The following NHSL2 variants were observed in gnomAD, a reference collection of about 807,000 sequenced individuals.
NHSL2 encodes NHS-like protein 2.
Under a neutral mutation model 53.4 loss-of-function variants are expected in NHSL2, and 27 were observed. The observed-to-expected ratio is 0.51, with a 90% CI of 0.37 to 0.70. The LOEUF (loss-of-function observed/expected upper bound fraction) is 0.70. Among genes scored for constraint, NHSL2 ranks in the 30% least tolerant of loss-of-function variants. The pLI is 0.00. For synonymous variants in NHSL2, 408 were observed against 404.1 expected, an observed-to-expected ratio of 1.01 and a Z score of -0.12; for missense variants, 892 against 980.1, an observed-to-expected ratio of 0.91 and a Z score of 1.20.
chrX:71,931,184 C>T (rs189414444), intron 1 of NHSL2, among the ~76,000 whole-genome samples: 1 of 112,192 alleles, frequency 8.9e-6, no homozygotes, highest in Non-Finnish European at 1.9e-5. Context: ...AATGTCTATT[C>T]GAGTCTTTTG....
At chrX:72,081,387 A>C (rs1029256494) in intron 1 of NHSL2, among the ~76,000 whole-genome samples, 2 of 112,308 alleles carry the variant, frequency 1.8e-5, no homozygotes, top group African/African-American at 3.2e-5. Context: ...TAACTTTTGC[A>C]GGTTACTTTT....
chrX:71,927,615 A>C (rs766106943), intron 1 of NHSL2, among the ~76,000 whole-genome samples: 1 of 109,435 alleles, frequency 9.1e-6, no homozygotes, highest in South Asian at 4.0e-4. Context: ...GGAGGGCAGC[A>C]GCGCAATCTC....
chrX:72,107,372 G>T (rs1433466771), intron 1 of NHSL2, among the ~76,000 whole-genome samples: 1 of 112,649 alleles, frequency 8.9e-6, no homozygotes, highest in Non-Finnish European at 1.9e-5. Flanking sequence ...CCCAATGGAT[G>T]AATCAGCTAA....
intron 1 of NHSL2, among the ~76,000 whole-genome samples, chrX:71,916,864 C>G (rs1273087948): frequency 8.9e-6 from 1 of 112,258 alleles, no homozygotes; most frequent in Non-Finnish European, 1.9e-5. Context: ...AAGAGTAGTG[C>G]TTATTCAGTC....
intron 1 of NHSL2, among the ~76,000 whole-genome samples, chrX:72,031,736 G>GA (rs767564712): frequency 0.032 from 1,716 of 52,983 alleles, 23 homozygotes; most frequent in African/African-American, 0.089. Context: ...ACCTCGCTTG[G>GA]AAAAAAAAAA....
chrX:72,101,285 A>G (rs1158324553), intron 1 of NHSL2, among the ~76,000 whole-genome samples: 2 of 109,690 alleles, frequency 1.8e-5, no homozygotes, highest in Non-Finnish European at 3.8e-5. Flanking sequence ...GACTCGCATC[A>G]GGGTTTGAGC....
intron 1 of NHSL2, among the ~76,000 whole-genome samples, chrX:71,968,562 T>C (rs1201736797): frequency 1.8e-5 from 2 of 111,831 alleles, no homozygotes; most frequent in East Asian, 5.6e-4. Context: ...TTGTCAATCT[T>C]TTTTTTTGCT....
intron 1 of NHSL2, among the ~76,000 whole-genome samples, chrX:71,934,523 G>A (rs1458295762): frequency 8.9e-6 from 1 of 112,145 alleles, no homozygotes; most frequent in African/African-American, 3.2e-5. Flanking sequence ...CCAGGCTGGT[G>A]GAGCTTCCCT....
At chrX:72,142,196 T>C (rs1404056489) in intron 6 of NHSL2, 36 bp from the exon 7 acceptor site, 1 of 1,117,234 alleles carries the variant, frequency 9.0e-7, no homozygotes, top group Admixed American at 2.8e-5. Context: ...CTATCTACTG[T>C]GGTCAAAGTC....
intron 1 of NHSL2, among the ~76,000 whole-genome samples, chrX:72,024,228 G>A (rs916105293): frequency 1.1e-4 from 12 of 111,679 alleles, no homozygotes; most frequent in Non-Finnish European, 7.5e-5. Flanking sequence ...GGAAAATTCT[G>A]AACTCTTACA....
chrX:72,066,523 G>T (rs1464257224), intron 1 of NHSL2, among the ~76,000 whole-genome samples: 1 of 111,493 alleles, frequency 9.0e-6, no homozygotes, highest in Admixed American at 9.5e-5. Flanking sequence ...TTACAGAGAG[G>T]AGGAGGTGAG....
intron 1 of NHSL2, among the ~76,000 whole-genome samples, chrX:72,018,514 GCGTTGCCGCGCCGCTA>G (rs769592403): frequency 8.8e-6 from 1 of 113,169 alleles, no homozygotes; most frequent in African/African-American, 3.2e-5. Context: ...GGGGAAGCAA[GCGTTGCCGCGCCGCTA>G]CCGTCGGGGG....
Position 71,975,360 on chromosome X carries a change from C to T in NHSL2, c.280+63993C>T, listed in dbSNP as rs139132538. ...TCTCTCCTCCCACAGCTTCCCAGCACACCTGCAGTATGGTCTCTTGGCTTT... is the reference window on the plus strand; with the variant it reads ...TCTCTCCTCCCACAGCTTCCCAGCATACCTGCAGTATGGTCTCTTGGCTTT... On this transcript the variant is annotated intron_variant, in intron 1 of 7. Transcript: ENST00000633930. Among the ~76,000 whole-genome samples, 39 of 111,822 alleles carry T rather than the reference C, an allele frequency of 3.5e-4. 1 individual carries two copies. In the East Asian group the frequency reaches 0.011, roughly 31 times the overall value.
chrX:72,150,339 G>T lies in NHSL2; in HGVS notation c.*6765G>T, dbSNP rs1368113945. The T allele has an allele frequency of 8.9e-6, 1 of 112,111 alleles. No homozygotes were observed. The highest frequency in any genetic ancestry group is 1.9e-5 in the Non-Finnish European group (1 of 53,203). The allele number at this position is 112,111 out of a possible 1,213,427, so 9.2% of individuals were successfully genotyped here. A position where few individuals can be genotyped will look rare whatever the true frequency, so the allele number is the denominator to read the frequency against. The stretch of plus-strand genomic sequence containing the variant: ...ATTCCTCTTGTCATTGTCCCATAAT[G>T]TCTCTACTTTTTTTAGTGCAAACTT... On this transcript the variant is annotated 3_prime_UTR_variant, in exon 8 of 8. Transcript: ENST00000633930.
intron 1 of NHSL2, among the ~76,000 whole-genome samples, chrX:72,111,897 A>G (rs1241029605): frequency 9.0e-6 from 1 of 111,501 alleles, no homozygotes. Context: ...ACAGTCATCA[A>G]TGAAACCACT....
At chrX:71,926,724 A>G (rs754425923) in intron 1 of NHSL2, among the ~76,000 whole-genome samples, 1 of 111,509 alleles carries the variant, frequency 9.0e-6, no homozygotes, top group South Asian at 3.9e-4. Flanking sequence ...TACTTTTAAA[A>G]TGTGCCTCCT....
At chrX:71,928,869 C>T (rs1308151120) in intron 1 of NHSL2, among the ~76,000 whole-genome samples, 2 of 111,967 alleles carry the variant, frequency 1.8e-5, no homozygotes, top group Non-Finnish European at 3.8e-5. Flanking sequence ...TTTTGTCAGG[C>T]CAATATTTCT....
rs948215489 is a variant in NHSL2 at position 72,069,192 on chromosome X, G to A, written c.281-62887G>A. 2.7e-5 allele frequency among the ~76,000 whole-genome samples: 3 copies of A among 112,042 alleles called. No homozygotes were observed. In the Admixed American group the frequency reaches 2.8e-4, roughly 11 times the overall value. On this transcript the variant is annotated intron_variant, in intron 1 of 7. Coordinates refer to ENST00000633930, the MANE Select transcript of NHSL2 (RefSeq NM_001013627.3). Reference sequence around the variant, plus strand: ...CGAGTGAGCGAGTGAGTGAGCCAGCGAGCGGCAGCAGGAATGACAGCACTG... The same window carrying A: ...CGAGTGAGCGAGTGAGTGAGCCAGCAAGCGGCAGCAGGAATGACAGCACTG...
At chrX:72,132,706 G>A (rs762167679) in intron 2 of NHSL2, among the ~76,000 whole-genome samples, 1 of 111,701 alleles carries the variant, frequency 9.0e-6, no homozygotes, top group East Asian at 2.8e-4. Context: ...ACCAAAGTAA[G>A]CCCAATACAC....
Sources: allele counts gnomAD v4.1 joint callset (sites outside exome capture counted in the v4.1 genomes callset), GRCh38; gene constraint gnomAD v4.1.1; transcripts MANE v1.5; gene names NCBI Gene and HGNC (gene_info 2026-07-23, HGNC 2026-07-21).